The following PITPNM3 variants were observed in gnomAD, a reference collection of about 807,000 sequenced individuals.
PITPNM3 encodes membrane-associated phosphatidylinositol transfer protein 3.
In PITPNM3, 26 loss-of-function variants were observed where a neutral mutation model predicts 102.0. That is an observed-to-expected ratio of 0.25 (90% confidence interval 0.19 to 0.35). PITPNM3 has a LOEUF of 0.35. Ranked by LOEUF, PITPNM3 falls within the 10% of genes least tolerant of loss-of-function variation. PITPNM3 has a pLI of 1.00. For synonymous variants in PITPNM3, 578 were observed against 558.6 expected (o/e 1.03, Z -0.49); for missense variants, 1,083 against 1,346.1 (o/e 0.80, Z 3.06).
chr17:6,483,908 G>A (rs543465746), intron 5 of PITPNM3, among the ~76,000 whole-genome samples, 156 bp from the exon 6 acceptor site: 9 of 152,280 alleles, frequency 5.9e-5, no homozygotes, highest in African/African-American at 2.2e-4. Context: ...TGTCCAGCCT[G>A]TCTCAGCTGC....
chr17:6,538,296 G>A (rs561080301), intron 1 of PITPNM3, among the ~76,000 whole-genome samples: 20 of 152,150 alleles, frequency 1.3e-4, no homozygotes, highest in Non-Finnish European at 2.8e-4. Flanking sequence ...GCAGGAATGC[G>A]TGTGCCCATT....
rs370139121 is a variant in PITPNM3 at position 6,522,431 on chromosome 17, C to T, written c.226+2925G>A. On this transcript the variant is annotated intron_variant, in intron 3 of 19. Transcript: ENST00000262483. ...GGTAAAATACAAAACAGAATTCAGG[C>T]TTAAAGGGAAGAAGGTTGGCTCCAT... is the stretch of plus-strand genomic sequence containing the variant. Among the ~76,000 whole-genome samples the T allele has an allele frequency of 2.6e-5, 4 of 152,180 alleles. No homozygotes were observed. In the South Asian group the frequency reaches 6.2e-4, roughly 24 times the overall value.
chr17:6,503,395 C>T, intron 4 of PITPNM3, 132 bp downstream of exon 4: 2 of 1,052,984 alleles, frequency 1.9e-6, no homozygotes, highest in African/African-American at 1.6e-5. Flanking sequence ...CCCTCCGGTA[C>T]TGCCTGCAGG....
At chr17:6,529,592 C>CA (rs67428345) in intron 2 of PITPNM3, among the ~76,000 whole-genome samples, 6,710 of 142,100 alleles carry the variant, frequency 0.047, 506 homozygotes, top group African/African-American at 0.16. Flanking sequence ...GACTCCATCT[C>CA]AAAAAAAAAA....
At position 6,525,481 on chromosome 17, in the gene PITPNM3, G is replaced by A. The variant is rs138442940; in HGVS notation, c.119-18C>T. The A allele has an allele frequency of 8.5e-5, 136 of 1,597,718 alleles. No individual in the cohort carries two copies. In the African/African-American group the frequency reaches 1.1e-3, roughly 12 times the overall value. On this transcript the variant is annotated intron_variant, in intron 2 of 19. Coordinates refer to ENST00000262483, the MANE Select transcript of PITPNM3 (RefSeq NM_031220.4). ...CATCTCCTCTGTGGGAAGAAGCAGC[G>A]GTGAGCAGAAGCAGGTGCAGCTAGG...
At chr17:6,507,321 C>T (rs1469735957) in intron 3 of PITPNM3, among the ~76,000 whole-genome samples, 6 of 152,328 alleles carry the variant, frequency 3.9e-5, no homozygotes, top group Non-Finnish European at 7.3e-5. Context: ...TGGTGGCTCA[C>T]GCCTGTAAAC....
At position 6,515,006 on chromosome 17, in the gene PITPNM3, T is replaced by C. The variant is rs546874713; in HGVS notation, c.226+10350A>G. 1.5e-4 allele frequency among the ~76,000 whole-genome samples: 23 copies of C among 152,230 alleles called. 1 individual carries two copies. The highest frequency in any genetic ancestry group is 5.5e-4 in the African/African-American group (23 of 41,554). Reference sequence around the variant, plus strand: ...AAGTAGTCACACACAAAAGGCTATATATTGTTTGATTCCATTTATATGAAA... The same window carrying C: ...AAGTAGTCACACACAAAAGGCTATACATTGTTTGATTCCATTTATATGAAA... On this transcript the variant is annotated intron_variant, in intron 3 of 19. Transcript: ENST00000262483.
rs915271082 is a variant in PITPNM3 at position 6,484,074 on chromosome 17, G to C, written c.351+142C>G. The stretch of plus-strand genomic sequence containing the variant: ...TGTTCATATGGGAACCCAAAGCCCA[G>C]AGAAGGACACAGACCCACCCAGGGT... On this transcript the variant is annotated intron_variant, in intron 5 of 19. Coordinates refer to ENST00000262483, the MANE Select transcript of PITPNM3 (RefSeq NM_031220.4). 25 of 942,462 alleles carry C rather than the reference G, an allele frequency of 2.7e-5. No homozygotes were observed. The Admixed American group carries it at 4.4e-4, about 17-fold the overall frequency. 58.4% of individuals were successfully genotyped at this position (942,462 alleles called of 1,614,324 possible).
At chr17:6,465,253 T>C (rs1298964299) in intron 14 of PITPNM3, among the ~76,000 whole-genome samples, 1 of 152,112 alleles carries the variant, frequency 6.6e-6, no homozygotes, top group African/African-American at 2.4e-5. Flanking sequence ...TCCGTGTTGA[T>C]CAGGCTGGTC....
At chr17:6,542,308 C>T (rs906337516) in intron 1 of PITPNM3, among the ~76,000 whole-genome samples, 2 of 152,200 alleles carry the variant, frequency 1.3e-5, no homozygotes, top group Admixed American at 1.3e-4. Flanking sequence ...TAGTGTTACA[C>T]GAGCATCTGT....
intron 2 of PITPNM3, among the ~76,000 whole-genome samples, chr17:6,528,830 C>T (rs976294641): frequency 6.6e-6 from 1 of 152,124 alleles, no homozygotes; most frequent in South Asian, 2.1e-4. Context: ...CACATACACA[C>T]GGAAGCAGCA....
chr17:6,544,995 C>G (rs566299415), intron 1 of PITPNM3, among the ~76,000 whole-genome samples: 1 of 152,144 alleles, frequency 6.6e-6, no homozygotes, highest in South Asian at 2.1e-4. Flanking sequence ...GAGGCTCCTG[C>G]GGACAGGCAG....
At chr17:6,463,498 T>TGAGG (rs1353957751) in intron 17 of PITPNM3, among the ~76,000 whole-genome samples, 3 of 98,472 alleles carry the variant, frequency 3.0e-5, no homozygotes, top group Non-Finnish European at 7.3e-5. Flanking sequence ...AGGAAGGAAG[T>TGAGG]GAGGGAGGGA....
intron 3 of PITPNM3, among the ~76,000 whole-genome samples, chr17:6,510,912 A>G (rs944259432): frequency 6.6e-6 from 1 of 152,244 alleles, no homozygotes; most frequent in Admixed American, 6.5e-5. Flanking sequence ...CGAGCTCCGC[A>G]TGAGCCCAGG....
At chr17:6,498,321 A>G (rs895262841) in intron 4 of PITPNM3, among the ~76,000 whole-genome samples, 4 of 152,232 alleles carry the variant, frequency 2.6e-5, no homozygotes, top group Admixed American at 2.0e-4. Flanking sequence ...CTGTGCTTAG[A>G]GAGTCCACGC....
intron 6 of PITPNM3, among the ~76,000 whole-genome samples, chr17:6,483,253 T>G (rs1368334402): frequency 6.6e-6 from 1 of 152,044 alleles, no homozygotes; most frequent in African/African-American, 2.4e-5. Context: ...CAACACTCAG[T>G]GTCTTTATCT....
intron 18 of PITPNM3, chr17:6,460,926 G>T (rs1376417128): frequency 1.9e-5 from 5 of 266,068 alleles, no homozygotes; most frequent in Non-Finnish European, 2.9e-5. Flanking sequence ...GAGTTTCCTG[G>T]TGCTGCTAGT....
chr17:6,508,604 G>C (rs377473598), intron 3 of PITPNM3, among the ~76,000 whole-genome samples: 1 of 152,152 alleles, frequency 6.6e-6, no homozygotes, highest in Non-Finnish European at 1.5e-5. Context: ...TGAGGAGGAC[G>C]GGAGCAGAGA....
At chr17:6,528,361 G>A (rs2150648703) in intron 2 of PITPNM3, among the ~76,000 whole-genome samples, 1 of 152,074 alleles carries the variant, frequency 6.6e-6, no homozygotes, top group Admixed American at 6.5e-5. Context: ...TTGTCTCTCT[G>A]GGTCCCTGTC....
Sources: gnomAD v4.1 joint callset for allele counts (sites outside exome capture counted in the v4.1 genomes callset) on GRCh38, gnomAD v4.1.1 for gene constraint, MANE v1.5 for transcripts, NCBI Gene and HGNC (gene_info 2026-07-23, HGNC 2026-07-21) for gene names.